The following SLC30A9 variants were observed in gnomAD, a reference collection of about 807,000 sequenced individuals.
The protein encoded by SLC30A9 is solute carrier family 30 member 9.
In SLC30A9, 58 loss-of-function variants were observed where a neutral mutation model predicts 87.5. The ratio of observed to expected loss-of-function variants is 0.66; its 90% CI spans 0.54 to 0.82. The LOEUF is 0.82. Among genes scored for constraint, SLC30A9 ranks in the 40% least tolerant of loss-of-function variants. The pLI is 0.00. For synonymous variants in SLC30A9, 234 were observed against 233.0 expected, an observed-to-expected ratio of 1.00 and a Z score of -0.04; for missense variants, 557 against 679.1, an observed-to-expected ratio of 0.82 and a Z score of 2.00.
intron 6 of SLC30A9, among the ~76,000 whole-genome samples, chr4:42,026,613 A>G (rs889886390): frequency 1.3e-5 from 2 of 151,918 alleles, no homozygotes; most frequent in African/African-American, 4.8e-5. Flanking sequence ...TATCAATGAC[A>G]CTGATTTTTA....
intron 2 of SLC30A9, among the ~76,000 whole-genome samples, chr4:42,006,638 G>C (rs1437673763): frequency 1.3e-5 from 2 of 150,294 alleles, no homozygotes; most frequent in African/African-American, 2.5e-5. Flanking sequence ...AGTGAGCCAT[G>C]ATAGTGCCAC....
At chr4:41,996,165 G>A (rs1003382494) in intron 1 of SLC30A9, among the ~76,000 whole-genome samples, 4 of 151,506 alleles carry the variant, frequency 2.6e-5, no homozygotes, top group South Asian at 4.2e-4. Context: ...GGTGGATCTC[G>A]GCAGACTGCA....
In SLC30A9 at chr4:42,063,694, A is replaced by T. The variant is rs562200015; in HGVS notation, c.1032+573A>T. On this transcript the variant is annotated intron_variant, in intron 11 of 17. Coordinates refer to ENST00000264451, the MANE Select transcript of SLC30A9 (RefSeq NM_006345.4). ...GGGATAAAAACATACCACTTTACTGACTACAGTGTTATTTTGCATTGGTTT... is the reference window on the plus strand; with the variant it reads ...GGGATAAAAACATACCACTTTACTGTCTACAGTGTTATTTTGCATTGGTTT... Among the ~76,000 whole-genome samples, 5 of 152,258 alleles carry T rather than the reference A, an allele frequency of 3.3e-5. No individual in the cohort carries two copies. The South Asian group carries it at 1.0e-3, about 32-fold the overall frequency.
chr4:41,994,048 T>C (rs1714578758), intron 1 of SLC30A9, among the ~76,000 whole-genome samples: 1 of 151,958 alleles, frequency 6.6e-6, no homozygotes, highest in Non-Finnish European at 1.5e-5. Context: ...TCCCAGCTAC[T>C]TGGGAGACTG....
intron 6 of SLC30A9, chr4:42,029,174 C>A: frequency 2.7e-6 from 1 of 370,900 alleles, no homozygotes; most frequent in South Asian, 2.3e-5. Flanking sequence ...GCCACCCACC[C>A]TTCCGACTGC....
intron 16 of SLC30A9, 97 bp from the exon 17 acceptor site, chr4:42,078,115 A>G: frequency 1.7e-6 from 1 of 595,072 alleles, no homozygotes; most frequent in Non-Finnish European, 3.0e-6. Context: ...ATTAAACTTA[A>G]TGGCGTTTGT....
chr4:42,059,566 G>A (rs1717761231), intron 9 of SLC30A9, among the ~76,000 whole-genome samples: 1 of 149,920 alleles, frequency 6.7e-6, no homozygotes, highest in Non-Finnish European at 1.5e-5. Context: ...TAATAGAAAT[G>A]TGTGTGCCCA....
intron 6 of SLC30A9, among the ~76,000 whole-genome samples, chr4:42,032,522 G>A (rs1168062082): frequency 1.3e-5 from 2 of 152,160 alleles, no homozygotes; most frequent in African/African-American, 4.8e-5. Context: ...TTCTCCAGAT[G>A]AGTTGGCAAA....
At chr4:42,037,320 A>T (rs965354246) in intron 7 of SLC30A9, among the ~76,000 whole-genome samples, 1 of 140,720 alleles carries the variant, frequency 7.1e-6, no homozygotes, top group African/African-American at 2.7e-5. Flanking sequence ...TTCTTATCTC[A>T]TGAGAACTCC....
rs1307896052 is a variant in SLC30A9, at chr4:42,078,331, A to G, written c.1662+6A>G. ...GACTTGAGAAGGAACTGAAAGTAAG[A>G]TGTATTCATAAAAATAACATAATGA... On this transcript the variant is annotated splice_donor_region_variant and intron_variant, in intron 17 of 17. Transcript: ENST00000264451. 7.5e-7 allele frequency: 1 copy of G among 1,338,316 alleles called. No individual in the cohort carries two copies. The allele number at this position is 1,338,316 out of a possible 1,614,324, so 82.9% of individuals were successfully genotyped here.
At chr4:42,026,322 AT>A (rs1716189153) in intron 6 of SLC30A9, among the ~76,000 whole-genome samples, 2 of 152,202 alleles carry the variant, frequency 1.3e-5, no homozygotes, top group African/African-American at 4.8e-5. Flanking sequence ...GATAGGGCAT[AT>A]TCCATTGGGG....
intron 1 of SLC30A9, among the ~76,000 whole-genome samples, chr4:41,992,505 G>A (rs1714496059): frequency 6.6e-6 from 1 of 152,176 alleles, no homozygotes; most frequent in South Asian, 2.1e-4. Context: ...TGCCCTTTAA[G>A]TGTTGGCAAA....
intron 9 of SLC30A9, among the ~76,000 whole-genome samples, chr4:42,049,728 G>C (rs140944619): frequency 6.6e-6 from 1 of 152,142 alleles, no homozygotes; most frequent in Non-Finnish European, 1.5e-5. Context: ...CAGAAATCTG[G>C]TCTCTGAATA....
At chr4:42,029,559 A>G in intron 6 of SLC30A9, 2 of 689,886 alleles carry the variant, frequency 2.9e-6, no homozygotes, top group Non-Finnish European at 2.7e-6. Context: ...ACAAAGATTC[A>G]GCCCAGAAGG....
At chr4:42,058,625 T>TA (rs1293348347) in intron 9 of SLC30A9, among the ~76,000 whole-genome samples, 1 of 152,194 alleles carries the variant, frequency 6.6e-6, no homozygotes, top group Non-Finnish European at 1.5e-5. Flanking sequence ...TTAATGGACT[T>TA]ACAATTTCAC....
chr4:42,065,287 T>G lies in SLC30A9; in HGVS notation c.1033-23T>G, dbSNP rs141387002. 5.6e-5 allele frequency: 65 copies of G among 1,160,060 alleles called. No individual in the cohort carries two copies. The East Asian group carries it at 1.4e-3, about 25-fold the overall frequency. The allele number at this position is 1,160,060 out of a possible 1,614,324, so 71.9% of individuals were successfully genotyped here. On this transcript the variant is annotated intron_variant, in intron 11 of 17. Coordinates refer to ENST00000264451, the MANE Select transcript of SLC30A9 (RefSeq NM_006345.4). ...TGATTGGAAGTACTTAATTTATGCT[T>G]TATTTTAATATTTCTTTTCTAGGCA...
chr4:42,069,117 A>G (rs1298470036), intron 14 of SLC30A9, among the ~76,000 whole-genome samples: 1 of 152,214 alleles, frequency 6.6e-6, no homozygotes, highest in East Asian at 1.9e-4. Context: ...CTGGTTGACC[A>G]TATAGTTTTA....
intron 8 of SLC30A9, among the ~76,000 whole-genome samples, chr4:42,043,065 A>G (rs909161518): frequency 9.9e-5 from 15 of 152,184 alleles, no homozygotes; most frequent in Non-Finnish European, 2.2e-4. Flanking sequence ...CAAAAACCCC[A>G]TCCAAAAGTC....
chr4:42,076,943 C>T (rs1718577859), intron 16 of SLC30A9, among the ~76,000 whole-genome samples: 1 of 132,912 alleles, frequency 7.5e-6, no homozygotes, highest in Non-Finnish European at 1.5e-5. Flanking sequence ...GCCTGGGCGA[C>T]AGAGCGAGAC....
Sources: allele counts gnomAD v4.1 joint callset (sites outside exome capture counted in the v4.1 genomes callset), GRCh38; gene constraint gnomAD v4.1.1; transcripts MANE v1.5; gene names NCBI Gene and HGNC (gene_info 2026-07-23, HGNC 2026-07-21).